The following PTPRK variants were observed in gnomAD, a reference collection of about 807,000 sequenced individuals.
The protein encoded by PTPRK is protein tyrosine phosphatase receptor type K.
In PTPRK, 75 loss-of-function variants were observed where a neutral mutation model predicts 178.0. That is an observed-to-expected ratio of 0.42 (90% CI 0.35 to 0.51). The LOEUF (loss-of-function observed/expected upper bound fraction) is 0.51. Ranked by LOEUF, PTPRK falls within the 20% of genes least tolerant of loss-of-function variation. PTPRK has a pLI of 0.02. For synonymous variants in PTPRK, 637 were observed against 620.6 expected (o/e 1.03, Z -0.39); for missense variants, 1,441 against 1,797.8 (o/e 0.80, Z 3.59).
At chr6:128,353,795 T>C (rs955420017) in intron 2 of PTPRK, among the ~76,000 whole-genome samples, 1 of 152,196 alleles carries the variant, frequency 6.6e-6, no homozygotes, top group Non-Finnish European at 1.5e-5. Flanking sequence ...TTATATATCT[T>C]GATTATCGTG....
At chr6:128,089,593 C>A in intron 8 of PTPRK, 97 bp downstream of exon 8, 1 of 1,259,646 alleles carries the variant, frequency 7.9e-7, no homozygotes, top group South Asian at 1.4e-5. Context: ...ATTTCAGAAT[C>A]CAATTCAGTA....
chr6:128,164,712 T>G (rs138928605), intron 7 of PTPRK, among the ~76,000 whole-genome samples: 3,555 of 150,046 alleles, frequency 0.024, 113 homozygotes, highest in African/African-American at 0.053. Flanking sequence ...AAAACTAAAT[T>G]ACAGGCTGGG....
At chr6:128,056,696 T>TG (rs1388751565) in intron 13 of PTPRK, among the ~76,000 whole-genome samples, 7 of 152,142 alleles carry the variant, frequency 4.6e-5, no homozygotes, top group Non-Finnish European at 7.4e-5. Context: ...AGTGCTGGGA[T>TG]TACAGGTGTG....
chr6:128,497,946 T>C (rs984238981), intron 1 of PTPRK, among the ~76,000 whole-genome samples: 1 of 152,182 alleles, frequency 6.6e-6, no homozygotes, highest in African/African-American at 2.4e-5. Flanking sequence ...TAAGTAGTTT[T>C]AAGAACAGGT....
chr6:128,146,731 G>A (rs927810275), intron 7 of PTPRK, among the ~76,000 whole-genome samples: 1 of 151,810 alleles, frequency 6.6e-6, no homozygotes, highest in Admixed American at 6.6e-5. Flanking sequence ...CCCAGCCTAC[G>A]ATACTGTTTT....
chr6:128,306,010 G>T (rs1826324267), intron 3 of PTPRK, among the ~76,000 whole-genome samples: 1 of 152,162 alleles, frequency 6.6e-6, no homozygotes, highest in Admixed American at 6.5e-5. Context: ...CAGAGTGAAG[G>T]GGGAAGCCTC....
chr6:128,141,379 C>T lies in PTPRK; in HGVS notation c.1162+43053G>A, dbSNP rs140710059. On this transcript the variant is annotated intron_variant, in intron 7 of 29. Coordinates refer to ENST00000368226, the MANE Select transcript of PTPRK (RefSeq NM_002844.4). ...ATATATATTATAGATTAACACGGAA[C>T]GAATCATTATATCTTTACCTTCATA... Among the ~76,000 whole-genome samples the T allele has an allele frequency of 1.8e-3, 279 of 151,638 alleles. 1 individual carries two copies. Among genetic ancestry groups the T allele is most frequent in the African/African-American group, 6.5e-3 (268 of 41,398 alleles).
At chr6:128,356,250 T>C (rs944395514) in intron 2 of PTPRK, among the ~76,000 whole-genome samples, 2 of 152,182 alleles carry the variant, frequency 1.3e-5, no homozygotes, top group African/African-American at 4.8e-5. Context: ...TCCTCCATTT[T>C]AACAACAACA....
chr6:128,060,952 C>A (rs770340829), intron 13 of PTPRK, among the ~76,000 whole-genome samples: 4 of 152,162 alleles, frequency 2.6e-5, no homozygotes, highest in African/African-American at 9.6e-5. Flanking sequence ...TTTGATTAAA[C>A]GTGAAAGCAG....
Position 128,055,692 on chromosome 6 carries a change from TG to T in PTPRK, c.2194+9065del, listed in dbSNP as rs753226891. On this transcript the variant is annotated intron_variant, in intron 13 of 29. Transcript: ENST00000368226. Reference sequence around the variant, plus strand: ...ATGGCTTACTGCTGCCTCGAACTCCTGGGCTCAAATGATCACCCTGCTTCAG... The same window carrying T: ...ATGGCTTACTGCTGCCTCGAACTCCTGGCTCAAATGATCACCCTGCTTCAG... Among the ~76,000 whole-genome samples, 3 of 152,150 alleles carry T rather than the reference TG, an allele frequency of 2.0e-5. No homozygotes were observed. The East Asian group carries it at 5.8e-4, about 29-fold the overall frequency.
Position 127,973,681 on chromosome 6 carries a change from C to T in PTPRK, c.4116G>A (p.Arg1372=). 1 of 1,613,756 alleles carries T rather than the reference C, an allele frequency of 6.2e-7. No individual in the cohort carries two copies. The highest frequency in any genetic ancestry group is 8.5e-7 in the Non-Finnish European group (1 of 1,179,924). ...CTACTCACAGGCAGTGGATAATCGTCCGGCCTTCCCCTTCCTCGCATTCCT... is the reference window on the plus strand; with the variant it reads ...CTACTCACAGGCAGTGGATAATCGTTCGGCCTTCCCCTTCCTCGCATTCCT... ...WQEECEEGEG[R]TIIHCLNGGG... The change falls in exon 28 of 30, where the codon CGG becomes CGA. Residue 1372 remains arginine, a synonymous_variant. Transcript: ENST00000368226.
chr6:128,354,563 T>A (rs999724329), intron 2 of PTPRK, among the ~76,000 whole-genome samples: 2 of 152,196 alleles, frequency 1.3e-5, no homozygotes, highest in East Asian at 1.9e-4. Flanking sequence ...TTACGATATA[T>A]CTCACACATT....
chr6:128,036,430 A>C (rs932390243), intron 13 of PTPRK, among the ~76,000 whole-genome samples: 4 of 152,310 alleles, frequency 2.6e-5, no homozygotes, highest in Admixed American at 6.5e-5. Context: ...TTAAGAGAAA[A>C]AGTGATAATT....
At chr6:127,999,041 C>T in intron 15 of PTPRK, 137 bp from the exon 16 acceptor site, 2 of 710,468 alleles carry the variant, frequency 2.8e-6, no homozygotes, top group Non-Finnish European at 4.3e-6. Flanking sequence ...AAATATCATA[C>T]AGTATAGGCC....
intron 6 of PTPRK, among the ~76,000 whole-genome samples, chr6:128,203,595 T>C (rs1300527764): frequency 1.3e-5 from 2 of 152,144 alleles, no homozygotes; most frequent in Admixed American, 1.3e-4. Context: ...GGATAATCAA[T>C]GTGAAAAAAT....
At chr6:128,314,326 C>T (rs1377357508) in intron 3 of PTPRK, among the ~76,000 whole-genome samples, 3 of 152,216 alleles carry the variant, frequency 2.0e-5, no homozygotes, top group Non-Finnish European at 4.4e-5. Flanking sequence ...AACCTTGAAA[C>T]TTATTCAGCA....
intron 1 of PTPRK, among the ~76,000 whole-genome samples, chr6:128,474,371 C>T (rs1851107863): frequency 6.6e-6 from 1 of 151,894 alleles, no homozygotes; most frequent in Non-Finnish European, 1.5e-5. Context: ...CTAGAAAACA[C>T]TACATTCTTC....
At position 128,479,743 on chromosome 6, in the gene PTPRK, T is replaced by C. The variant is rs78719730; in HGVS notation, c.100+40516A>G. ...ATTAAAAGGAGAAAAAAGCTTTTCT[T>C]TTCTCACAGCAAACAAATTAAGTGT... On this transcript the variant is annotated intron_variant, in intron 1 of 29. Coordinates refer to ENST00000368226, the MANE Select transcript of PTPRK (RefSeq NM_002844.4). 3.1e-3 allele frequency among the ~76,000 whole-genome samples: 479 copies of C among 152,242 alleles called. 1 individual carries two copies. The highest frequency in any genetic ancestry group is 0.011 in the African/African-American group (446 of 41,562).
intron 1 of PTPRK, among the ~76,000 whole-genome samples, chr6:128,479,140 T>C (rs1851734017): frequency 2.0e-5 from 3 of 152,094 alleles, no homozygotes; most frequent in Admixed American, 6.6e-5. Flanking sequence ...CCCAGAAAAC[T>C]TGTCCTGCCA....
Sources: gnomAD v4.1 joint callset for allele counts (sites outside exome capture counted in the v4.1 genomes callset) on GRCh38, gnomAD v4.1.1 for gene constraint, MANE v1.5 for transcripts, NCBI Gene and HGNC (gene_info 2026-07-23, HGNC 2026-07-21) for gene names.